SCML4: variants seen among roughly 807,000 people sequenced by gnomAD.
SCML4 encodes the protein sex comb on midleg-like protein 4.
In SCML4, 34 loss-of-function variants were observed where a neutral mutation model predicts 41.1. The observed-to-expected ratio is 0.83, with a 90% confidence interval of 0.63 to 1.10. The LOEUF is 1.10. Among genes scored for constraint, SCML4 ranks in the 50% least tolerant of loss-of-function variants. The pLI is 0.00. For missense variants in SCML4, 522 were observed against 534.1 expected (o/e 0.98, Z 0.22); for synonymous variants, 214 against 220.9 (o/e 0.97, Z 0.28).
intron 1 of SCML4, among the ~76,000 whole-genome samples, chr6:107,819,030 G>T (rs1784756818): frequency 6.6e-6 from 1 of 151,488 alleles, no homozygotes; most frequent in South Asian, 2.1e-4. Flanking sequence ...CAGTTCAAAA[G>T]AAAAGGCCCC....
At chr6:107,708,175 C>T (rs2114340796) in intron 6 of SCML4, among the ~76,000 whole-genome samples, 164 bp from the exon 7 acceptor site, 2 of 152,316 alleles carry the variant, frequency 1.3e-5, no homozygotes, top group South Asian at 4.1e-4. Context: ...CTGTGAGTGG[C>T]AGCTCTATCA....
At chr6:107,745,993 AAAAT>A (rs36131534) in intron 4 of SCML4, 27,411 of 148,704 alleles carry the variant, frequency 0.18, 2,557 homozygotes, top group African/African-American at 0.22. Context: ...ATCCTGTCTC[AAAAT>A]AAATAAATAA....
rs1773485802 is a variant in SCML4, at chr6:107,705,241, G to A, written c.1204C>T (p.Leu402Phe). The change falls in exon 8 of 8, where the codon CTC becomes TTC. Residue 402 changes from leucine to phenylalanine, a missense_variant. Transcript: ENST00000369020. ...LGLKLGPALK[L>F]CYHIDKLKQA... ...TTCAGTTTGTCAATGTGGTAGCAGA[G>A]TTTCAGTGCAGGTCCCAGCTTCAGG... 1 of 1,551,610 alleles carries A rather than the reference G, an allele frequency of 6.4e-7. No individual in the cohort carries two copies. The highest frequency in any genetic ancestry group is 2.0e-5 in the Admixed American group (1 of 50,978).
chr6:107,760,354 C>T (rs1177852542), intron 2 of SCML4, among the ~76,000 whole-genome samples: 2 of 152,150 alleles, frequency 1.3e-5, no homozygotes, highest in Non-Finnish European at 2.9e-5. Flanking sequence ...CTATGAAGCC[C>T]AGGGCTTACC....
intron 1 of SCML4, among the ~76,000 whole-genome samples, chr6:107,780,238 G>A (rs925495672): frequency 6.6e-6 from 1 of 151,946 alleles, no homozygotes; most frequent in Admixed American, 6.6e-5. Context: ...CCTTCATACC[G>A]TTAAAAGAAT....
At chr6:107,731,201 T>G (rs1043208451) in intron 5 of SCML4, among the ~76,000 whole-genome samples, 1 of 152,212 alleles carries the variant, frequency 6.6e-6, no homozygotes, top group African/African-American at 2.4e-5. Context: ...ACCTTATGTA[T>G]AAAACTATAG....
At chr6:107,748,002 C>G (rs184236797) in intron 3 of SCML4, among the ~76,000 whole-genome samples, 1 of 152,290 alleles carries the variant, frequency 6.6e-6, no homozygotes, top group African/African-American at 2.4e-5. Flanking sequence ...GACATCAAGC[C>G]AGATTCCTTA....
At chr6:107,813,409 TATATATATATATATAA>T (rs202082731) in intron 1 of SCML4, among the ~76,000 whole-genome samples, 5,409 of 30,938 alleles carry the variant, frequency 0.17, 603 homozygotes, top group East Asian at 0.33. Context: ...TATATATATA[TATATATATATATATAA>T]AACTGTAAAA....
At chr6:107,839,215 C>A in the SCML4 span, among the ~76,000 whole-genome samples, 3 of 151,494 alleles carry the variant, frequency 2.0e-5, no homozygotes, top group South Asian at 2.1e-4. Context: ...ATCACCTGAG[C>A]CCTGGAAGAC....
At chr6:107,821,643 T>C (rs1177593701) in intron 1 of SCML4, among the ~76,000 whole-genome samples, 1 of 152,156 alleles carries the variant, frequency 6.6e-6, no homozygotes, top group Non-Finnish European at 1.5e-5. Context: ...ATGCTTGGTA[T>C]CCTAAGGCTC....
intron 1 of SCML4, among the ~76,000 whole-genome samples, chr6:107,813,604 G>A (rs1439075547): frequency 1.3e-5 from 2 of 151,504 alleles, no homozygotes; most frequent in South Asian, 2.1e-4. Context: ...ATTTTATAGC[G>A]AATCTTTGGC....
intron 6 of SCML4, among the ~76,000 whole-genome samples, chr6:107,711,563 T>A (rs1222932625): frequency 1.3e-5 from 2 of 152,218 alleles, no homozygotes; most frequent in Non-Finnish European, 2.9e-5. Flanking sequence ...GACCTAAGGA[T>A]GCATTTCCCA....
chr6:107,732,662 G>A (rs148529932), intron 5 of SCML4, among the ~76,000 whole-genome samples: 54 of 152,116 alleles, frequency 3.5e-4, no homozygotes, highest in African/African-American at 1.2e-3. Context: ...CTGTGCTCTC[G>A]GGAGGAGAGC....
At chr6:107,810,949 G>C (rs1224367164) in intron 1 of SCML4, among the ~76,000 whole-genome samples, 2 of 152,130 alleles carry the variant, frequency 1.3e-5, no homozygotes, top group Non-Finnish European at 2.9e-5. Context: ...CCTGGAGATA[G>C]AGCTTTTAAA....
intron 1 of SCML4, among the ~76,000 whole-genome samples, chr6:107,813,967 C>A (rs1024719497): frequency 3.3e-5 from 5 of 152,228 alleles, no homozygotes; most frequent in African/African-American, 1.2e-4. Context: ...CACTGCATGG[C>A]AGCCTCAGGG....
intron 1 of SCML4, among the ~76,000 whole-genome samples, chr6:107,820,940 G>T (rs763768914): frequency 1.1e-4 from 17 of 152,188 alleles, no homozygotes; most frequent in Non-Finnish European, 2.1e-4. Flanking sequence ...ATTTTACCAC[G>T]ATTTGGGTGA....
rs183025861 is a variant in SCML4 at position 107,798,977 on chromosome 6, T to C, written c.-60+25149A>G. Among the ~76,000 whole-genome samples the C allele has an allele frequency of 2.1e-3, 322 of 152,264 alleles. 1 individual carries two copies. Among genetic ancestry groups the C allele is most frequent in the African/African-American group, 7.5e-3 (310 of 41,578 alleles). The stretch of plus-strand genomic sequence containing the variant: ...CTTTGAAATGTATTGAGACTTGTTT[T>C]ATGGCCCAGCTTATTGTCTATGTTG... On this transcript the variant is annotated intron_variant, in intron 1 of 7. Transcript: ENST00000369020.
intron 1 of SCML4, among the ~76,000 whole-genome samples, chr6:107,784,748 G>T (rs972858461): frequency 6.6e-6 from 1 of 152,248 alleles, no homozygotes; most frequent in East Asian, 1.9e-4. Context: ...GCCCTAGTGC[G>T]TGGGAGGTGA....
intron 1 of SCML4, among the ~76,000 whole-genome samples, chr6:107,784,524 C>A (rs1050903385): frequency 1.3e-5 from 2 of 152,122 alleles, no homozygotes; most frequent in Non-Finnish European, 2.9e-5. Flanking sequence ...CCACTGGAAG[C>A]ATTTTTACAA....
Sources: allele counts gnomAD v4.1 joint callset (sites outside exome capture counted in the v4.1 genomes callset), GRCh38; gene constraint gnomAD v4.1.1; transcripts MANE v1.5; gene names NCBI Gene and HGNC (gene_info 2026-07-23, HGNC 2026-07-21).